ULK4: variants seen among roughly 807,000 people sequenced by gnomAD.
ULK4 encodes unc-51 like kinase 4, also known as inactive serine/threonine-protein kinase ULK4.
A neutral mutation model predicts 160.6 loss-of-function variants in ULK4; 133 were observed. That is an observed-to-expected ratio of 0.83 (90% CI 0.72 to 0.96). ULK4 has a LOEUF of 0.96. Ranked by LOEUF, ULK4 falls within the 40% of genes least tolerant of loss-of-function variation. The pLI is 0.00. For synonymous variants in ULK4, 534 were observed against 539.8 expected, an observed-to-expected ratio of 0.99 and a Z score of 0.15; for missense variants, 1,580 against 1,499.5, an observed-to-expected ratio of 1.05 and a Z score of -0.89.
intron 25 of ULK4, among the ~76,000 whole-genome samples, chr3:41,709,481 G>A (rs6771928): frequency 0.21 from 32,631 of 151,894 alleles, 3,994 homozygotes; most frequent in African/African-American, 0.34. Flanking sequence ...CCGCCTCCCG[G>A]GTTCAAGAGA....
intron 32 of ULK4, among the ~76,000 whole-genome samples, chr3:41,539,723 T>G (rs1392322770): frequency 6.6e-6 from 1 of 152,142 alleles, no homozygotes; most frequent in East Asian, 1.9e-4. Flanking sequence ...AAAACAAAAC[T>G]TCAGTAGCTA....
At chr3:41,570,028 C>T (rs1196626611) in intron 31 of ULK4, among the ~76,000 whole-genome samples, 1 of 152,142 alleles carries the variant, frequency 6.6e-6, no homozygotes, top group African/African-American at 2.4e-5. Context: ...TAATGGCCTG[C>T]GTATCAGAGT....
intron 11 of ULK4, among the ~76,000 whole-genome samples, chr3:41,911,005 A>C (rs1698764506): frequency 6.6e-6 from 1 of 152,262 alleles, no homozygotes; most frequent in Non-Finnish European, 1.5e-5. Context: ...TGAAATTTTA[A>C]GTTCAATTCT....
chr3:41,306,085 G>A (rs1463578112), intron 35 of ULK4, among the ~76,000 whole-genome samples: 1 of 149,072 alleles, frequency 6.7e-6, no homozygotes, highest in Non-Finnish European at 1.5e-5. Context: ...TCTGGGAAGT[G>A]AGGAGCGTCT....
chr3:41,903,991 TA>T (rs35070842), intron 12 of ULK4, among the ~76,000 whole-genome samples: 99,221 of 135,526 alleles, frequency 0.73, 37,749 homozygotes, highest in East Asian at 0.97. Flanking sequence ...AAAAGGCTCT[TA>T]AAAAAAAAAA....
intron 2 of ULK4, among the ~76,000 whole-genome samples, chr3:41,942,845 TTAAA>T (rs60130248): frequency 0.68 from 103,223 of 151,598 alleles, 38,799 homozygotes; most frequent in East Asian, 0.83. Context: ...TTTCATTAAA[TTAAA>T]TAAATAAATA....
At chr3:41,346,071 A>G (rs1339764232) in intron 35 of ULK4, among the ~76,000 whole-genome samples, 1 of 152,130 alleles carries the variant, frequency 6.6e-6, no homozygotes, top group East Asian at 1.9e-4. Flanking sequence ...AGGCAACAAC[A>G]GAGAGATAAC....
intron 34 of ULK4, among the ~76,000 whole-genome samples, chr3:41,417,672 A>G (rs1006607218): frequency 5.9e-5 from 9 of 152,148 alleles, no homozygotes; most frequent in African/African-American, 2.2e-4. Context: ...GGAACAAGAG[A>G]AAAGGCAGGT....
chr3:41,735,580 T>C (rs113325026), intron 22 of ULK4, among the ~76,000 whole-genome samples: 1,596 of 152,120 alleles, frequency 0.01, 25 homozygotes, highest in African/African-American at 0.036. Context: ...TCCATTTGAA[T>C]TCATTCTGGA....
intron 17 of ULK4, among the ~76,000 whole-genome samples, chr3:41,847,822 T>C (rs925405397): frequency 2.0e-5 from 3 of 152,170 alleles, no homozygotes; most frequent in African/African-American, 7.2e-5. Flanking sequence ...TAAAATCACA[T>C]CTGTCTACCT....
At chr3:41,475,734 T>G (rs2084120688) in intron 32 of ULK4, among the ~76,000 whole-genome samples, 1 of 152,138 alleles carries the variant, frequency 6.6e-6, no homozygotes, top group Non-Finnish European at 1.5e-5. Context: ...TTAGTAAAAT[T>G]TACTAGGTAC....
chr3:41,290,038 G>C (rs961694881), intron 35 of ULK4, among the ~76,000 whole-genome samples: 8 of 152,072 alleles, frequency 5.3e-5, no homozygotes, highest in African/African-American at 1.4e-4. Flanking sequence ...ACCACACCTG[G>C]CTAATTTTGT....
intron 19 of ULK4, among the ~76,000 whole-genome samples, chr3:41,809,045 A>C (rs1328952424): frequency 6.6e-6 from 1 of 152,112 alleles, no homozygotes; most frequent in African/African-American, 2.4e-5. Context: ...GCATGCCTGT[A>C]ATCTCAGCTA....
chr3:41,941,780 GAGAA>G (rs1397116365), intron 2 of ULK4, among the ~76,000 whole-genome samples: 2 of 70,952 alleles, frequency 2.8e-5, no homozygotes, highest in African/African-American at 7.5e-5. Context: ...AAAAAAAAAA[GAGAA>G]AGAAACTGTA....
intron 25 of ULK4, among the ~76,000 whole-genome samples, chr3:41,714,262 T>C (rs1387880301): frequency 6.6e-6 from 1 of 152,180 alleles, no homozygotes; most frequent in Non-Finnish European, 1.5e-5. Flanking sequence ...ACTGCATTGC[T>C]TCCTAAAAAT....
At chr3:41,687,530 C>A (rs75385093) in intron 27 of ULK4, among the ~76,000 whole-genome samples, 1 of 152,054 alleles carries the variant, frequency 6.6e-6, no homozygotes, top group Admixed American at 6.5e-5. Context: ...AGTCAGAATG[C>A]GGCAGCAGAA....
At chr3:41,291,895 A>T (rs1259602764) in intron 35 of ULK4, among the ~76,000 whole-genome samples, 2 of 150,694 alleles carry the variant, frequency 1.3e-5, no homozygotes, top group Admixed American at 1.3e-4. Flanking sequence ...CAGTGGCGCA[A>T]TCTCGGCTCA....
chr3:41,936,770 G>A (rs1253760983), intron 3 of ULK4, among the ~76,000 whole-genome samples: 2 of 152,164 alleles, frequency 1.3e-5, no homozygotes, highest in Admixed American at 6.5e-5. Context: ...AGGTTGGGAA[G>A]GATAGTGGGG....
chr3:41,895,388 T>A (rs909525143), intron 16 of ULK4, 130 bp downstream of exon 16: 4 of 431,268 alleles, frequency 9.3e-6, no homozygotes, highest in African/African-American at 6.2e-5. Context: ...AAATTGCCTA[T>A]GAGTAGAGTC....
Sources: gnomAD v4.1 joint callset for allele counts (sites outside exome capture counted in the v4.1 genomes callset) on GRCh38, gnomAD v4.1.1 for gene constraint, MANE v1.5 for transcripts, NCBI Gene and HGNC (gene_info 2026-07-23, HGNC 2026-07-21) for gene names.